Variants in INPP5F observed in about 807,000 individuals in gnomAD.
INPP5F encodes the protein inositol polyphosphate-5-phosphatase F.
In INPP5F, 97 loss-of-function variants were observed where a neutral mutation model predicts 137.2. The ratio of observed to expected loss-of-function variants is 0.71; its 90% CI spans 0.60 to 0.84. The LOEUF (loss-of-function observed/expected upper bound fraction) is 0.84. Ranked by LOEUF, INPP5F falls within the 40% of genes least tolerant of loss-of-function variation. INPP5F has a pLI of 0.00. For synonymous variants in INPP5F, 504 were observed against 476.9 expected (o/e 1.06, Z -0.74); for missense variants, 1,271 against 1,371.9 (o/e 0.93, Z 1.16).
At position 119,737,523 on chromosome 10, in the gene INPP5F, A is replaced by G. The variant is rs140526520; in HGVS notation, c.97+11164A>G. ...ATTAGTATTATAAAGCTCCTAGATG[A>G]TGATAATGAGCAGCCAGCACTGATA... On this transcript the variant is annotated intron_variant, in intron 1 of 19. Transcript: ENST00000650623. 5.5e-3 allele frequency among the ~76,000 whole-genome samples: 845 copies of G among 152,344 alleles called. 11 individuals are homozygous for G. Among genetic ancestry groups the G allele is most frequent in the African/African-American group, 0.02 (818 of 41,578 alleles).
At chr10:119,745,336 CTT>C (rs958432123) in intron 1 of INPP5F, among the ~76,000 whole-genome samples, 2 of 151,612 alleles carry the variant, frequency 1.3e-5, no homozygotes, top group Non-Finnish European at 2.9e-5. Flanking sequence ...GTTTTTAAAT[CTT>C]TTTTTGTTAT....
At chr10:119,752,326 T>G (rs1189816343) in intron 2 of INPP5F, among the ~76,000 whole-genome samples, 1 of 152,210 alleles carries the variant, frequency 6.6e-6, no homozygotes, top group African/African-American at 2.4e-5. Context: ...GACTCATGCC[T>G]GTAATTCCAG....
At chr10:119,798,786 CTTT>C (rs374141329) in intron 9 of INPP5F, among the ~76,000 whole-genome samples, 176 bp downstream of exon 9, 3 of 100,690 alleles carry the variant, frequency 3.0e-5, no homozygotes, top group Non-Finnish European at 4.0e-5. Flanking sequence ...GAGTCAGCTA[CTTT>C]TTTTTTTTTT....
At chr10:119,813,540 T>G (rs1589746313) in intron 15 of INPP5F, among the ~76,000 whole-genome samples, 1 of 151,834 alleles carries the variant, frequency 6.6e-6, no homozygotes, top group South Asian at 2.1e-4. Context: ...TGAGAGGAAC[T>G]CAAGAGCCCA....
chr10:119,770,059 G>C (rs1247913689), intron 2 of INPP5F, among the ~76,000 whole-genome samples: 1 of 152,030 alleles, frequency 6.6e-6, no homozygotes, highest in Non-Finnish European at 1.5e-5. Flanking sequence ...TCAAGCAATT[G>C]AATCTTTTCC....
chr10:119,754,307 T>C (rs1368828080), intron 2 of INPP5F, among the ~76,000 whole-genome samples: 22 of 152,170 alleles, frequency 1.4e-4, no homozygotes, highest in Non-Finnish European at 1.5e-5. Context: ...TGTACAAATG[T>C]AAGTTTGTTA....
intron 2 of INPP5F, among the ~76,000 whole-genome samples, chr10:119,780,339 C>G (rs1849661507): frequency 6.6e-6 from 1 of 152,092 alleles, no homozygotes; most frequent in Admixed American, 6.5e-5. Context: ...CTTTGAGAGG[C>G]CAAGGCTGGC....
chr10:119,765,865 CTA>C (rs551639582), intron 2 of INPP5F, among the ~76,000 whole-genome samples: 5,784 of 29,838 alleles, frequency 0.19, 140 homozygotes, highest in South Asian at 0.44. Flanking sequence ...ACACTATATA[CTA>C]TATATATATA....
chr10:119,771,883 T>TACATA (rs1491430102), intron 2 of INPP5F, among the ~76,000 whole-genome samples: 2 of 20,066 alleles, frequency 1.0e-4, no homozygotes, highest in Non-Finnish European at 1.6e-4. Flanking sequence ...TATATATATA[T>TACATA]TTTTTTTTTT....
In INPP5F at chr10:119,726,140, C is replaced by T; in HGVS notation, c.-123C>T. 1 of 491,262 alleles carries T rather than the reference C, an allele frequency of 2.0e-6. No individual in the cohort carries two copies. Among genetic ancestry groups the T allele is most frequent in the Non-Finnish European group, 3.2e-6 (1 of 309,744 alleles). The allele number at this position is 491,262 out of a possible 1,614,324, so 30.4% of individuals were successfully genotyped here. A position where few individuals can be genotyped will look rare whatever the true frequency, so the allele number is the denominator to read the frequency against. On this transcript the variant is annotated 5_prime_UTR_variant, in exon 1 of 20. Coordinates refer to ENST00000650623, the MANE Select transcript of INPP5F (RefSeq NM_014937.4). ...GTGCCCCGGGGCGTTCCCTCTGCCG[C>T]TGCTTCTCGGCGCGGTTCCTACCCG...
At chr10:119,769,541 G>A (rs942537952) in intron 2 of INPP5F, among the ~76,000 whole-genome samples, 3 of 152,142 alleles carry the variant, frequency 2.0e-5, no homozygotes, top group African/African-American at 7.2e-5. Context: ...GATACTTGGC[G>A]TTTTGAGTTG....
chr10:119,729,353 G>A (rs1847983605), intron 1 of INPP5F, among the ~76,000 whole-genome samples: 1 of 152,126 alleles, frequency 6.6e-6, no homozygotes, highest in Middle Eastern at 3.4e-3. Context: ...CGCCATGTCG[G>A]CCAGGCTGGT....
At chr10:119,803,108 A>G (rs1456565068) in intron 9 of INPP5F, among the ~76,000 whole-genome samples, 1 of 151,974 alleles carries the variant, frequency 6.6e-6, no homozygotes, top group Non-Finnish European at 1.5e-5. Context: ...TTTATGTTGC[A>G]GGTATATTCT....
At chr10:119,784,952 A>G (rs1849831207) in intron 3 of INPP5F, among the ~76,000 whole-genome samples, 2 of 152,348 alleles carry the variant, frequency 1.3e-5, no homozygotes, top group Admixed American at 6.5e-5. Context: ...TAGAAACGGA[A>G]TAATACACCA....
At chr10:119,806,535 C>T in intron 12 of INPP5F, 55 bp downstream of exon 12, 4 of 1,478,408 alleles carry the variant, frequency 2.7e-6, no homozygotes, top group South Asian at 2.7e-5. Flanking sequence ...TTTTTTTTTC[C>T]ATGAGTAAGC....
chr10:119,803,737 C>A (rs1850672194), intron 9 of INPP5F, among the ~76,000 whole-genome samples: 2 of 152,094 alleles, frequency 1.3e-5, no homozygotes, highest in African/African-American at 4.8e-5. Context: ...AATCTTGCTG[C>A]CTAGTAACAT....
Position 119,787,825 on chromosome 10 carries a change from T to A in INPP5F, c.316-3692T>A, listed in dbSNP as rs892927581. On this transcript the variant is annotated intron_variant, in intron 3 of 19. Transcript: ENST00000650623. This position sits in a 1 kb window ranked among gnomAD's most constrained non-coding sequence, Gnocchi z 4.1. ...AGTAAAGAGGACTAACAGGGCTTCA[T>A]GGGAGATGGGATCCTGGGGCCATGC... Among the ~76,000 whole-genome samples the A allele has an allele frequency of 6.6e-6, 1 of 152,186 alleles. No individual in the cohort carries two copies. Among genetic ancestry groups the A allele is most frequent in the African/African-American group, 2.4e-5 (1 of 41,524 alleles).
chr10:119,780,215 C>T (rs775437097), intron 2 of INPP5F, among the ~76,000 whole-genome samples: 9 of 152,126 alleles, frequency 5.9e-5, no homozygotes, highest in Middle Eastern at 3.4e-3. Context: ...TATATATCAC[C>T]TCATATTTTC....
intron 3 of INPP5F, among the ~76,000 whole-genome samples, chr10:119,785,229 A>G (rs556941459): frequency 5.2e-4 from 78 of 149,712 alleles, no homozygotes; most frequent in African/African-American, 1.8e-3. Context: ...GTACCTAGCA[A>G]TGGAATTGCT....
Sources: gnomAD v4.1 joint callset for allele counts (sites outside exome capture counted in the v4.1 genomes callset) on GRCh38, gnomAD v4.1.1 for gene constraint, Gnocchi (gnomAD v3.1) non-coding constraint, MANE v1.5 for transcripts, NCBI Gene and HGNC (gene_info 2026-07-23, HGNC 2026-07-21) for gene names.